The following ASH2L variants were observed in gnomAD, a reference collection of about 807,000 sequenced individuals.
ASH2L encodes the protein ASH2 like, histone lysine methyltransferase complex subunit.
ASH2L carries 30 observed loss-of-function variants against 81.1 expected under a neutral mutation model. That is an observed-to-expected ratio of 0.37 (90% CI 0.28 to 0.50). The LOEUF (loss-of-function observed/expected upper bound fraction) is 0.50. Ranked by LOEUF, ASH2L falls within the 20% of genes least tolerant of loss-of-function variation. The pLI, the probability that ASH2L is intolerant of heterozygous loss-of-function variation, is 0.95. For missense variants in ASH2L, 559 were observed against 792.1 expected, an observed-to-expected ratio of 0.71 and a Z score of 3.53; for synonymous variants, 273 against 279.9, an observed-to-expected ratio of 0.98 and a Z score of 0.24.
intron 12 of ASH2L, among the ~76,000 whole-genome samples, chr8:38,131,550 G>A (rs1469847885): frequency 2.6e-5 from 4 of 152,134 alleles, no homozygotes; most frequent in African/African-American, 9.7e-5. Flanking sequence ...AGAGGTTGAG[G>A]CATGAGAATC....
Position 38,119,081 on chromosome 8 carries a change from T to C in ASH2L, c.854-189T>C. 3 of 524,226 alleles carry C rather than the reference T, an allele frequency of 5.7e-6. No individual in the cohort carries two copies. The South Asian group carries it at 7.2e-5, about 13-fold the overall frequency. The allele number at this position is 524,226 out of a possible 1,614,324, so 32.5% of individuals were successfully genotyped here. A position where few individuals can be genotyped will look rare whatever the true frequency, so the allele number is the denominator to read the frequency against. On this transcript the variant is annotated intron_variant, in intron 8 of 15. Transcript: ENST00000343823. ...ATTTGAGTTTATTGCCAGAACCCAG[T>C]GTTCCCAGGCTATGAGATGCTCAGT... is the stretch of plus-strand genomic sequence containing the variant.
chr8:38,109,074 T>C (rs905980892), intron 3 of ASH2L, among the ~76,000 whole-genome samples: 2 of 152,162 alleles, frequency 1.3e-5, no homozygotes, highest in African/African-American at 4.8e-5. Context: ...AGTGATACCC[T>C]GTCTCAAAAA....
At chr8:38,108,793 A>G (rs563603581) in intron 3 of ASH2L, among the ~76,000 whole-genome samples, 46 of 152,058 alleles carry the variant, frequency 3.0e-4, no homozygotes, top group African/African-American at 1.1e-3. Flanking sequence ...CGTCTCAAAA[A>G]AAAAGGCCAG....
At chr8:38,107,866 ATATG>A (rs1466186577) in intron 3 of ASH2L, among the ~76,000 whole-genome samples, 117 of 106,026 alleles carry the variant, frequency 1.1e-3, no homozygotes, top group African/African-American at 3.3e-3. Flanking sequence ...AGAAATACAT[ATATG>A]TGTGTGTGTG....
intron 3 of ASH2L, among the ~76,000 whole-genome samples, chr8:38,110,045 A>G (rs1419352360): frequency 1.3e-5 from 2 of 152,238 alleles, no homozygotes; most frequent in Non-Finnish European, 1.5e-5. Context: ...ATGTTAACAT[A>G]TTAACATTTT....
At position 38,110,439 on chromosome 8, in the gene ASH2L, G is replaced by A. The variant is rs1433873484; in HGVS notation, c.462G>A (p.Gly154=). 1 of 1,614,038 alleles carries A rather than the reference G, an allele frequency of 6.2e-7. No homozygotes were observed. Among genetic ancestry groups the A allele is most frequent in the East Asian group, 2.2e-5 (1 of 44,898 alleles). ...ATTGCAACGTCTGCCATCACAGTGG[G>A]AATACCTATTTCCTCCGGAAGCAAG... is the stretch of plus-strand genomic sequence containing the variant. ...SFHCNVCHHS[G]NTYFLRKQAN... Residue 154 remains glycine (G), a synonymous_variant, in exon 4 of 16, where the codon GGG becomes GGA. Transcript: ENST00000343823.
chr8:38,116,393 C>T (rs1026859793), intron 7 of ASH2L, among the ~76,000 whole-genome samples: 1 of 151,218 alleles, frequency 6.6e-6, no homozygotes, highest in African/African-American at 2.4e-5. Context: ...ATTAGCCAGG[C>T]GTGTTGGTGT....
chr8:38,114,413 G>C (rs568607129), intron 6 of ASH2L, 126 bp downstream of exon 6: 5 of 640,642 alleles, frequency 7.8e-6, no homozygotes, highest in Non-Finnish European at 1.3e-5. Context: ...CTTTGAGTGT[G>C]AGATACAGCT....
intron 12 of ASH2L, among the ~76,000 whole-genome samples, chr8:38,131,304 GT>G (rs527757615): frequency 6.6e-5 from 10 of 151,402 alleles, no homozygotes; most frequent in Non-Finnish European, 1.2e-4. Flanking sequence ...TTCTGTAGGT[GT>G]TTTTTCAATG....
At position 38,105,702 on chromosome 8, in the gene ASH2L, C is replaced by G. The variant is rs1415332117; in HGVS notation, c.152C>G (p.Pro51Arg). Residue 51 changes from proline (P) to arginine (R), a missense_variant, in exon 1 of 16, where the codon CCG (proline) becomes CGG (arginine). Physicochemically the swap from Pro to Arg is moderately radical, Grantham distance 103 (BLOSUM62 -2). Around this residue, in one of 4 missense-constraint regions of ASH2L, gnomAD observed 145 missense variants for 115.5 expected, o/e 1.26. Coordinates refer to ENST00000343823, the MANE Select transcript of ASH2L (RefSeq NM_004674.5). Reference sequence around the variant, plus strand: ...CCTGGAGAGGGGATCTCTGCTGCTCCGACAGTTGAGCCCAGTTCCGGGGAG... The same window carrying G: ...CCTGGAGAGGGGATCTCTGCTGCTCGGACAGTTGAGCCCAGTTCCGGGGAG... ...APPGEGISAAPTVEPSSGEAE... is the reference protein window; with the variant it reads ...APPGEGISAARTVEPSSGEAE... The G allele has an allele frequency of 4.5e-6, 7 of 1,559,678 alleles. No individual in the cohort carries two copies.
At chr8:38,114,407 G>A in intron 6 of ASH2L, 120 bp downstream of exon 6, 1 of 672,194 alleles carries the variant, frequency 1.5e-6, no homozygotes, top group African/African-American at 1.9e-5. Flanking sequence ...TTAAATCTTT[G>A]AGTGTGAGAT....
At position 38,119,305 on chromosome 8, in the gene ASH2L, G is replaced by A; in HGVS notation, c.889G>A (p.Gly297Arg). 6.4e-7 allele frequency: 1 copy of A among 1,551,154 alleles called. No individual in the cohort carries two copies. Among genetic ancestry groups the A allele is most frequent in the Non-Finnish European group, 8.7e-7 (1 of 1,146,832 alleles). Residue 297 changes from glycine (G) to arginine (R), a missense_variant, in exon 9 of 16, where the codon GGA becomes AGA. Physicochemically the swap from Gly to Arg is moderately radical, Grantham distance 125. Around this residue, in one of 4 missense-constraint regions of ASH2L, gnomAD observed 318 missense variants for 527.0 expected, o/e 0.60. Transcript: ENST00000343823. The part of the protein sequence containing the change: ...IAAGSSGKGR[G>R]AKRKQQDGGT... ...AGCAGGAAGCAGCGGAAAAGGACGAGGAGCCAAGCGCAAACAGCAGGATGG... is the reference window on the plus strand; with the variant it reads ...AGCAGGAAGCAGCGGAAAAGGACGAAGAGCCAAGCGCAAACAGCAGGATGG...
At chr8:38,115,744 G>T (rs1489664427) in intron 7 of ASH2L, among the ~76,000 whole-genome samples, 1 of 152,200 alleles carries the variant, frequency 6.6e-6, no homozygotes, top group African/African-American at 2.4e-5. Flanking sequence ...AGTGAATGGG[G>T]CTTAGGCACT....
At chr8:38,105,825 C>G in intron 1 of ASH2L, 87 bp downstream of exon 1, 1 of 1,460,368 alleles carries the variant, frequency 6.8e-7, no homozygotes, top group Non-Finnish European at 9.0e-7. Context: ...GCCGCCCGCC[C>G]CCTGCGAACC....
chr8:38,106,202 C>T, intron 1 of ASH2L, 176 bp from the exon 2 acceptor site: 1 of 1,460,062 alleles, frequency 6.8e-7, no homozygotes, highest in Non-Finnish European at 9.4e-7. Context: ...GACTGTCTGA[C>T]ATGTCCACCT....
At position 38,110,805 on chromosome 8, in the gene ASH2L, A is replaced by G. The variant is rs778924061; in HGVS notation, c.557A>G (p.His186Arg). 3 of 1,613,772 alleles carry G rather than the reference A, an allele frequency of 1.9e-6. No individual in the cohort carries two copies. The highest frequency in any genetic ancestry group is 1.1e-5 in the South Asian group (1 of 90,926). ...TGGCAGTCCCGAACACAGGATGAAC[A>G]TCCGAAGACAATGTTCTCCAAAGAT... The part of the protein sequence containing the change: ...LTWQSRTQDE[H>R]PKTMFSKDKD... The change falls in exon 5 of 16, where the codon CAT (histidine) becomes CGT (arginine). Residue 186 changes from histidine to arginine, a missense_variant. By Grantham distance (29) the His-to-Arg change is conservative. Transcript: ENST00000343823.
chr8:38,136,786 A>AG (rs766002576), intron 14 of ASH2L, among the ~76,000 whole-genome samples: 10 of 149,382 alleles, frequency 6.7e-5, no homozygotes, highest in Non-Finnish European at 1.3e-4. Flanking sequence ...AAAAAAAAAA[A>AG]GAAAGAAAAG....
chr8:38,107,371 A>G (rs1319810803), intron 3 of ASH2L, among the ~76,000 whole-genome samples: 2 of 152,204 alleles, frequency 1.3e-5, no homozygotes, highest in African/African-American at 4.8e-5. Context: ...GGTAGATACA[A>G]TGGTGGGTAT....
Position 38,109,139 on chromosome 8 carries a change from A to G in ASH2L, c.402-1240A>G, listed in dbSNP as rs1054481546. On this transcript the variant is annotated intron_variant, in intron 3 of 15. Coordinates refer to ENST00000343823, the MANE Select transcript of ASH2L (RefSeq NM_004674.5). Reference sequence around the variant, plus strand: ...GGATGGATTATCTTTTACAACTGAGATAGAGAATGTGAGCTAGCAGGGTAT... The same window carrying G: ...GGATGGATTATCTTTTACAACTGAGGTAGAGAATGTGAGCTAGCAGGGTAT... 3.3e-5 allele frequency among the ~76,000 whole-genome samples: 5 copies of G among 152,180 alleles called. No individual in the cohort carries two copies. In the South Asian group the frequency reaches 6.2e-4, roughly 19 times the overall value.
Sources: gnomAD v4.1 joint callset for allele counts (sites outside exome capture counted in the v4.1 genomes callset) on GRCh38, gnomAD v4.1.1 for gene constraint, gnomAD v4.1.1 regional missense constraint, MANE v1.5 for transcripts, NCBI Gene and HGNC (gene_info 2026-07-23, HGNC 2026-07-21) for gene names.